Variants in LRRIQ1 observed in about 807,000 individuals in gnomAD.
The protein encoded by LRRIQ1 is leucine-rich repeat- and IQ domain-containing protein 1.
LRRIQ1 carries 210 observed loss-of-function variants against 211.9 expected under a neutral mutation model. That is an observed-to-expected ratio of 0.99 (90% CI 0.89 to 1.11). LRRIQ1 has a LOEUF of 1.11. Ranked by LOEUF, LRRIQ1 falls within the 50% of genes most tolerant of loss-of-function variation. The probability of loss-of-function intolerance (pLI) is 0.00; values close to 1 mark genes in which losing one functional copy is unlikely to be tolerated. For missense variants in LRRIQ1, 2,136 were observed against 1,939.5 expected, an observed-to-expected ratio of 1.10 and a Z score of -1.90; for synonymous variants, 699 against 650.1, an observed-to-expected ratio of 1.08 and a Z score of -1.14.
At chr12:85,114,442 C>T (rs1887424135) in intron 15 of LRRIQ1, among the ~76,000 whole-genome samples, 2 of 152,084 alleles carry the variant, frequency 1.3e-5, no homozygotes, top group Non-Finnish European at 2.9e-5. Context: ...GTTTCAACAA[C>T]CAGAAACAAA....
At chr12:85,249,917 T>A (rs540781765), downstream of LRRIQ1, among the ~76,000 whole-genome samples, 29 of 151,972 alleles carry the variant, frequency 1.9e-4, no homozygotes, top group Non-Finnish European at 4.0e-4. Flanking sequence ...GGGAGGAAAA[T>A]CTCTCTTAAA....
downstream of LRRIQ1, among the ~76,000 whole-genome samples, chr12:85,265,122 C>T (rs1433259876): frequency 1.3e-5 from 2 of 151,950 alleles, no homozygotes; most frequent in Non-Finnish European, 2.9e-5. Flanking sequence ...AATACTGTGT[C>T]TGTGTAATAC....
chr12:85,116,010 G>A (rs1463007446), intron 15 of LRRIQ1, among the ~76,000 whole-genome samples: 1 of 152,176 alleles, frequency 6.6e-6, no homozygotes, highest in Non-Finnish European at 1.5e-5. Context: ...CAGGAATACT[G>A]TTCTAAGACA....
Position 85,121,679 on chromosome 12 carries a change from T to G in LRRIQ1, c.3378-18T>G, listed in dbSNP as rs778756734. The G allele has an allele frequency of 6.5e-7, 1 of 1,537,208 alleles. No individual in the cohort carries two copies. The highest frequency in any genetic ancestry group is 2.1e-5 in the Admixed American group (1 of 46,996). On this transcript the variant is annotated intron_variant, in intron 15 of 26. Coordinates refer to ENST00000393217, the MANE Select transcript of LRRIQ1 (RefSeq NM_001079910.2). ...TTATCAAGATCAGGATTATTAACTT[T>G]TTTGTTGTTTTCAATAGGGATTCTC...
intron 24 of LRRIQ1, among the ~76,000 whole-genome samples, chr12:85,191,476 A>T (rs749244015): frequency 6.6e-6 from 1 of 151,964 alleles, no homozygotes; most frequent in South Asian, 2.1e-4. Flanking sequence ...AGGTTCCTCC[A>T]TGTCTGGTCA....
chr12:85,247,965 G>A (rs145557720), downstream of LRRIQ1, among the ~76,000 whole-genome samples: 1 of 151,368 alleles, frequency 6.6e-6, no homozygotes, highest in African/African-American at 2.4e-5. Flanking sequence ...CTTTCTTATG[G>A]TTTACAAAGT....
rs747439668 is a variant in LRRIQ1, at chr12:85,127,939, C to T, written c.4115C>T (p.Ser1372Phe). 6.2e-7 allele frequency: 1 copy of T among 1,613,670 alleles called. No individual in the cohort carries two copies. Among genetic ancestry groups the T allele is most frequent in the African/African-American group, 1.3e-5 (1 of 74,840 alleles). The change falls in exon 18 of 27, where the codon TCT (serine) becomes TTT (phenylalanine). Residue 1372 changes from serine to phenylalanine, a missense_variant. Physicochemically the swap from Ser to Phe is radical, Grantham distance 155 (BLOSUM62 -2). Transcript: ENST00000393217. Reference sequence around the variant, plus strand: ...GCTGCAACAGAAGGCCTGCCAAATTCTTCCATCAAGAATCAGACTATTTTA... The same window carrying T: ...GCTGCAACAGAAGGCCTGCCAAATTTTTCCATCAAGAATCAGACTATTTTA... ...HTAATEGLPN[S>F]SIKNQTILKK...
chr12:85,197,820 A>G (rs1893012567), intron 24 of LRRIQ1, among the ~76,000 whole-genome samples: 1 of 112,496 alleles, frequency 8.9e-6, no homozygotes. Context: ...CTAAAACTTT[A>G]TAATAAAAAA....
intron 9 of LRRIQ1, among the ~76,000 whole-genome samples, chr12:85,066,390 T>A (rs977980911): frequency 2.0e-5 from 3 of 151,780 alleles, no homozygotes; most frequent in African/African-American, 7.3e-5. Context: ...CCACCCCACA[T>A]ACAATGGTGA....
At chr12:85,172,522 G>T (rs1016844169) in intron 24 of LRRIQ1, among the ~76,000 whole-genome samples, 8 of 152,198 alleles carry the variant, frequency 5.3e-5, no homozygotes, top group Non-Finnish European at 8.8e-5. Flanking sequence ...TACTTCTCAT[G>T]ATATTTTGAA....
rs566419297 is a variant in LRRIQ1, at chr12:85,057,668, A to G, written c.2391+484A>G. ...ACCCTAGAATTCCCATCTAGCAACA[A>G]TTATTTAGCGTGTGCTATTTAAAGG... On this transcript the variant is annotated intron_variant, in intron 8 of 26. Coordinates refer to ENST00000393217, the MANE Select transcript of LRRIQ1 (RefSeq NM_001079910.2). 1.8e-4 allele frequency among the ~76,000 whole-genome samples: 28 copies of G among 152,190 alleles called. No individual in the cohort carries two copies. The South Asian group carries it at 2.5e-3, about 14-fold the overall frequency.
At chr12:85,088,157 T>C (rs560100115) in intron 11 of LRRIQ1, among the ~76,000 whole-genome samples, 10 of 152,360 alleles carry the variant, frequency 6.6e-5, no homozygotes, top group Non-Finnish European at 1.0e-4. Flanking sequence ...TTCAGCTTTC[T>C]ACATATGGCT....
chr12:85,172,202 T>A (rs1891453788), intron 24 of LRRIQ1, among the ~76,000 whole-genome samples: 1 of 152,116 alleles, frequency 6.6e-6, no homozygotes, highest in Admixed American at 6.6e-5. Flanking sequence ...ATGGCACCCC[T>A]TTGTCCCTTG....
chr12:85,070,511 G>A (rs761039685), intron 10 of LRRIQ1, among the ~76,000 whole-genome samples: 4 of 151,924 alleles, frequency 2.6e-5, no homozygotes, highest in Non-Finnish European at 4.4e-5. Flanking sequence ...ACTATTGTAT[G>A]GAGAAATTCT....
At chr12:85,043,857 G>T (rs1268219947) in intron 3 of LRRIQ1, among the ~76,000 whole-genome samples, 1 of 151,948 alleles carries the variant, frequency 6.6e-6, no homozygotes, top group East Asian at 1.9e-4. Flanking sequence ...CCAACTCCAA[G>T]CTCCTTCTAC....
chr12:85,075,044 C>G (rs531904207), intron 11 of LRRIQ1, among the ~76,000 whole-genome samples: 396 of 152,058 alleles, frequency 2.6e-3, no homozygotes, highest in African/African-American at 9.0e-3. Context: ...CATAAAAATA[C>G]AATTAAGTGT....
rs759108947 is a variant in LRRIQ1, at chr12:85,044,701, A to AT, written c.245-11dup. The AT allele has an allele frequency of 6.7e-6, 9 of 1,336,456 alleles. No homozygotes were observed. In the East Asian group the frequency reaches 7.0e-5, roughly 10 times the overall value. The allele number at this position is 1,336,456 out of a possible 1,614,324, so 82.8% of individuals were successfully genotyped here. On this transcript the variant is annotated splice_polypyrimidine_tract_variant and intron_variant, in intron 3 of 26. Coordinates refer to ENST00000393217, the MANE Select transcript of LRRIQ1 (RefSeq NM_001079910.2). Reference sequence around the variant, plus strand: ...TACTCTAATATTGGAAGTTATATACATTTTTTCTTTCTCTAGGCTGTAGTT... The same window carrying AT: ...TACTCTAATATTGGAAGTTATATACATTTTTTTCTTTCTCTAGGCTGTAGTT...
chr12:85,248,923 A>G (rs1186718278), downstream of LRRIQ1, among the ~76,000 whole-genome samples: 2 of 151,810 alleles, frequency 1.3e-5, no homozygotes, highest in African/African-American at 4.8e-5. Context: ...AGGTTGGATG[A>G]AAGAAGAAGC....
At chr12:85,106,179 G>A (rs144299312) in intron 14 of LRRIQ1, among the ~76,000 whole-genome samples, 2 of 152,072 alleles carry the variant, frequency 1.3e-5, no homozygotes, top group Non-Finnish European at 2.9e-5. Context: ...TATTACTTTA[G>A]ATTTTACTTC....
Sources: allele counts gnomAD v4.1 joint callset (sites outside exome capture counted in the v4.1 genomes callset), GRCh38; gene constraint gnomAD v4.1.1; transcripts MANE v1.5; gene names NCBI Gene and HGNC (gene_info 2026-07-23, HGNC 2026-07-21).